Variants in NACC2 observed in about 807,000 individuals in gnomAD.
NACC2 encodes the protein nucleus accumbens-associated protein 2.
In NACC2, 8 loss-of-function variants were observed where a neutral mutation model predicts 25.1. That is an observed-to-expected ratio of 0.32 (90% confidence interval 0.19 to 0.57). The LOEUF (loss-of-function observed/expected upper bound fraction) is 0.57. NACC2 is among the 20% of genes least tolerant of loss of function. The pLI is 0.89. For missense variants in NACC2, 644 were observed against 650.2 expected (o/e 0.99, Z 0.10); for synonymous variants, 435 against 294.7 (o/e 1.48, Z -4.88).
intron 1 of NACC2, among the ~76,000 whole-genome samples, chr9:136,080,528 C>A (rs934691651): frequency 6.6e-6 from 1 of 152,120 alleles, no homozygotes; most frequent in Non-Finnish European, 1.5e-5. Flanking sequence ...GAGATCGTGC[C>A]ACTGCACTCC....
At chr9:136,087,091 G>T (rs1830387047) in intron 1 of NACC2, among the ~76,000 whole-genome samples, 1 of 152,256 alleles carries the variant, frequency 6.6e-6, no homozygotes, top group Non-Finnish European at 1.5e-5. Context: ...AGGTGGCCGT[G>T]TGAGGACGGA....
At chr9:136,052,862 T>C (rs2131165033) in intron 1 of NACC2, among the ~76,000 whole-genome samples, 1 of 152,368 alleles carries the variant, frequency 6.6e-6, no homozygotes, top group African/African-American at 2.4e-5. Context: ...GGGCTGCTGC[T>C]GTGCAGGACT....
intron 1 of NACC2, among the ~76,000 whole-genome samples, chr9:136,063,087 C>T (rs1435701596): frequency 6.6e-6 from 1 of 152,216 alleles, no homozygotes; most frequent in Non-Finnish European, 1.5e-5. Context: ...TTGTTGAGCC[C>T]TTTCACCCCG....
chr9:136,062,114 AGACAGGACAGGACAGGACAG>A (rs10597829), intron 1 of NACC2, among the ~76,000 whole-genome samples: 8,923 of 142,500 alleles, frequency 0.063, 380 homozygotes, highest in Non-Finnish European at 0.079. Context: ...CAACAGAGCG[AGACAGGACAGGACAGGACAG>A]GACAGGACAG....
intron 2 of NACC2, 57 bp downstream of exon 2, chr9:136,049,579 C>T: frequency 1.4e-6 from 1 of 731,050 alleles, no homozygotes; most frequent in Non-Finnish European, 2.5e-6. Context: ...CCACCCGGGT[C>T]CCAGGCAGGC....
At chr9:136,015,739 G>A (rs886162068) in intron 3 of NACC2, among the ~76,000 whole-genome samples, 1 of 152,232 alleles carries the variant, frequency 6.6e-6, no homozygotes, top group Non-Finnish European at 1.5e-5. Flanking sequence ...GGGTCAGACT[G>A]GCTTTAGCCT....
Position 136,050,068 on chromosome 9 carries a change from C to T in NACC2, c.454G>A (p.Ala152Thr). ...ACGTAGGGGGCCGCGGCGGCGGCGG[C>T]CGGCTGCAGCTGGTTGCAGGGGCTC... ...PQSPCNQLQPAAAAAAPYVVS... is the reference protein window; with the variant it reads ...PQSPCNQLQPTAAAAAPYVVS... The change falls in exon 2 of 6, where the codon GCC becomes ACC. Residue 152 changes from alanine to threonine, a missense_variant. Ala to Thr is a moderately conservative substitution (Grantham distance 58, BLOSUM62 0). Coordinates refer to ENST00000277554, the MANE Select transcript of NACC2 (RefSeq NM_144653.5). The T allele has an allele frequency of 5.5e-6, 4 of 731,274 alleles. No homozygotes were observed. Among genetic ancestry groups the T allele is most frequent in the Non-Finnish European group, 1.0e-5 (4 of 399,728 alleles). The allele number at this position is 731,274 out of a possible 1,614,324, so 45.3% of individuals were successfully genotyped here.
intron 2 of NACC2, among the ~76,000 whole-genome samples, chr9:136,044,817 G>C (rs1433399007): frequency 3.3e-5 from 5 of 152,222 alleles, no homozygotes; most frequent in Non-Finnish European, 7.3e-5. Flanking sequence ...TGGGGGGTGA[G>C]TGGCTGCAAC....
chr9:136,057,682 C>T (rs1472177243), intron 1 of NACC2, among the ~76,000 whole-genome samples: 3 of 152,272 alleles, frequency 2.0e-5, no homozygotes, highest in Non-Finnish European at 4.4e-5. Flanking sequence ...TAGGGTCTCC[C>T]CTGCACCGGC....
At chr9:136,069,441 C>T (rs1476126593) in intron 1 of NACC2, among the ~76,000 whole-genome samples, 4 of 151,022 alleles carry the variant, frequency 2.6e-5, no homozygotes, top group African/African-American at 4.9e-5. Context: ...CTCAGCTACT[C>T]GGGAGGCTGA....
intron 1 of NACC2, among the ~76,000 whole-genome samples, chr9:136,085,946 G>A (rs1830374975): frequency 6.6e-6 from 1 of 151,770 alleles, no homozygotes; most frequent in Non-Finnish European, 1.5e-5. Flanking sequence ...CCCGGAGGCT[G>A]GGCACTGCAC....
At chr9:136,054,284 G>C (rs1840890740) in intron 1 of NACC2, among the ~76,000 whole-genome samples, 1 of 152,176 alleles carries the variant, frequency 6.6e-6, no homozygotes, top group South Asian at 2.1e-4. Context: ...CCAGAGAAGG[G>C]ACCATTATTC....
intron 1 of NACC2, among the ~76,000 whole-genome samples, chr9:136,057,904 CGCT>C (rs1220719443): frequency 2.0e-5 from 3 of 152,158 alleles, no homozygotes; most frequent in Non-Finnish European, 4.4e-5. Flanking sequence ...TGCTGGGCCC[CGCT>C]GCTGGTCACC....
At chr9:136,048,366 C>T (rs1410559703) in intron 2 of NACC2, among the ~76,000 whole-genome samples, 7 of 152,328 alleles carry the variant, frequency 4.6e-5, no homozygotes, top group South Asian at 2.1e-4. Flanking sequence ...ACATCCTGTA[C>T]GGCCTCTGTG....
intron 2 of NACC2, among the ~76,000 whole-genome samples, chr9:136,033,940 T>TGAGA (rs1554737966): frequency 2.8e-5 from 4 of 144,672 alleles, no homozygotes; most frequent in South Asian, 2.2e-4. Context: ...TGTGTGTGTG[T>TGAGA]GAGATATTTG....
At position 136,013,326 on chromosome 9, in the gene NACC2, G is replaced by C; in HGVS notation, c.1158-30C>G. On this transcript the variant is annotated intron_variant, in intron 4 of 5. Coordinates refer to ENST00000277554, the MANE Select transcript of NACC2 (RefSeq NM_144653.5). The surrounding 1 kb of genome is among the most constrained non-coding windows in gnomAD (Gnocchi z 6.6). ...TGGAGGGACCGGAAAGGCAGGCAGG[G>C]TGAGGATGATGGGGAGGGTACCTGG... The C allele has an allele frequency of 1.3e-6, 2 of 1,598,900 alleles. No individual in the cohort carries two copies. Among genetic ancestry groups the C allele is most frequent in the Non-Finnish European group, 1.7e-6 (2 of 1,169,222 alleles).
rs959965879 is a variant in NACC2 at position 136,055,210 on chromosome 9, G to A, written c.-59-4630C>T. Among the ~76,000 whole-genome samples, 3 of 152,166 alleles carry A rather than the reference G, an allele frequency of 2.0e-5. No individual in the cohort carries two copies. Among genetic ancestry groups the A allele is most frequent in the Non-Finnish European group, 4.4e-5 (3 of 68,020 alleles). On this transcript the variant is annotated intron_variant, in intron 1 of 5. Coordinates refer to ENST00000277554, the MANE Select transcript of NACC2 (RefSeq NM_144653.5). This position sits in a 1 kb window ranked among gnomAD's most constrained non-coding sequence, Gnocchi z 4.9. The stretch of plus-strand genomic sequence containing the variant: ...AGAGGAGCCCGCGGGGAGGACAGGG[G>A]CTCACTGGAACTGCAGCCAGACGCG...
At chr9:136,063,632 C>T (rs551427540) in intron 1 of NACC2, among the ~76,000 whole-genome samples, 2 of 152,142 alleles carry the variant, frequency 1.3e-5, no homozygotes, top group Non-Finnish European at 2.9e-5. Context: ...GCCTGTAATC[C>T]CAGCACTTGG....
In NACC2 at chr9:136,007,497, A is replaced by G. The variant is rs1399111258; in HGVS notation, c.*4019T>C. ...CACAGACGCACACACGCACAGACAC[A>G]CACATGCACAGACGCGCACACACAG... is the stretch of plus-strand genomic sequence containing the variant. On this transcript the variant is annotated 3_prime_UTR_variant, in exon 6 of 6. Transcript: ENST00000277554. The G allele has an allele frequency of 6.6e-6, 1 of 150,510 alleles. No individual in the cohort carries two copies. Among genetic ancestry groups the G allele is most frequent in the African/African-American group, 2.5e-5 (1 of 40,500 alleles). The allele number at this position is 150,510 out of a possible 1,614,324, so 9.3% of individuals were successfully genotyped here.
Sources: allele counts gnomAD v4.1 joint callset (sites outside exome capture counted in the v4.1 genomes callset), GRCh38; gene constraint gnomAD v4.1.1; non-coding constraint Gnocchi (gnomAD v3.1); transcripts MANE v1.5; gene names NCBI Gene and HGNC (gene_info 2026-07-23, HGNC 2026-07-21).